Variants in ZEB1 observed in about 807,000 individuals in gnomAD.
ZEB1 encodes zinc finger E-box-binding homeobox 1.
ZEB1 carries 21 observed loss-of-function variants against 84.9 expected under a neutral mutation model. The observed-to-expected ratio is 0.25, with a 90% CI of 0.18 to 0.36. The LOEUF is 0.36. Among genes scored for constraint, ZEB1 ranks in the 10% least tolerant of loss-of-function variants. The pLI is 1.00. For synonymous variants in ZEB1, 420 were observed against 471.1 expected (o/e 0.89, Z 1.41); for missense variants, 1,104 against 1,330.2 (o/e 0.83, Z 2.65).
chr10:31,487,700 T>C lies in ZEB1; in HGVS notation c.260-8076T>C, dbSNP rs1389164593. ...GATAACGGACATTCTTGGCTTTTTC[T>C]TAATCTTGAGAAGAAAGCATAGTCT... On this transcript the variant is annotated intron_variant, in intron 2 of 8. Transcript: ENST00000424869. Among the ~76,000 whole-genome samples, 9 of 151,418 alleles carry C rather than the reference T, an allele frequency of 5.9e-5. No homozygotes were observed. In the East Asian group the frequency reaches 1.7e-3, roughly 29 times the overall value.
intron 1 of ZEB1, among the ~76,000 whole-genome samples, chr10:31,371,654 C>A (rs1444692690): frequency 6.6e-6 from 1 of 152,120 alleles, no homozygotes; most frequent in African/African-American, 2.4e-5. Flanking sequence ...CACTCACTCT[C>A]CCCCATCATA....
At chr10:31,331,371 CCACCACGCCTGGCCCGAAG>C (rs2036753920) in intron 1 of ZEB1, among the ~76,000 whole-genome samples, 1 of 152,108 alleles carries the variant, frequency 6.6e-6, no homozygotes, top group Non-Finnish European at 1.5e-5. Context: ...CAGGCGTGAG[CCACCACGCCTGGCCCGAAG>C]TGTTAAATTC....
intron 1 of ZEB1, among the ~76,000 whole-genome samples, chr10:31,423,130 G>A (rs2056440773): frequency 6.6e-6 from 1 of 151,890 alleles, no homozygotes; most frequent in Admixed American, 6.6e-5. Context: ...TGATGACTGT[G>A]GCATAGGAGT....
chr10:31,463,675 A>G (rs1209919809), intron 2 of ZEB1, among the ~76,000 whole-genome samples: 1 of 152,238 alleles, frequency 6.6e-6, no homozygotes, highest in Non-Finnish European at 1.5e-5. Context: ...GTCTTTGAGA[A>G]GTAGTAACCA....
rs565790714 is a variant in ZEB1 at position 31,430,825 on chromosome 10, CAG to C, written c.59-30209_59-30208del. Among the ~76,000 whole-genome samples, 755 of 152,218 alleles carry C rather than the reference CAG, an allele frequency of 5.0e-3. 2 individuals carry two copies. The highest frequency in any genetic ancestry group is 8.5e-3 in the Non-Finnish European group (579 of 67,998). ...TTACATAGCAAGACAAAATTGAAAA[CAG>C]AGGCTTTAGAAGCTAGTGTAATATA... On this transcript the variant is annotated intron_variant, in intron 1 of 8. Transcript: ENST00000424869.
In ZEB1 at chr10:31,319,366, G is replaced by A. The variant is rs1012528755; in HGVS notation, c.58+74G>A. On this transcript the variant is annotated intron_variant, in intron 1 of 8. Coordinates refer to ENST00000424869, the MANE Select transcript of ZEB1 (RefSeq NM_001174096.2). ...CAGCCGGGGCGCCCCCGGGGGTGAG[G>A]GGGGCGAGCCGGGCTGGGGGCAGCC... is the stretch of plus-strand genomic sequence containing the variant. The A allele has an allele frequency of 1.0e-5, 15 of 1,506,264 alleles. No homozygotes were observed. In the Admixed American group the frequency reaches 2.7e-4, roughly 27 times the overall value. 93.3% of individuals were successfully genotyped at this position (1,506,264 alleles called of 1,614,324 possible).
At chr10:31,366,973 C>A (rs1215204726) in intron 1 of ZEB1, among the ~76,000 whole-genome samples, 1 of 152,152 alleles carries the variant, frequency 6.6e-6, no homozygotes, top group African/African-American at 2.4e-5. Flanking sequence ...GCTCTACTCA[C>A]AAATATTTTT....
intron 2 of ZEB1, among the ~76,000 whole-genome samples, chr10:31,476,429 C>G (rs1281655541): frequency 6.6e-6 from 1 of 151,682 alleles, no homozygotes; most frequent in African/African-American, 2.4e-5. Context: ...AAATCCTGAA[C>G]AGACAAATTA....
intron 2 of ZEB1, among the ~76,000 whole-genome samples, chr10:31,474,762 G>T (rs1414760047): frequency 6.6e-6 from 1 of 152,022 alleles, no homozygotes; most frequent in Non-Finnish European, 1.5e-5. Flanking sequence ...ACATGCACAC[G>T]TATGTTTATT....
intron 1 of ZEB1, among the ~76,000 whole-genome samples, chr10:31,426,456 G>A (rs1326228400): frequency 6.6e-6 from 1 of 152,134 alleles, no homozygotes; most frequent in African/African-American, 2.4e-5. Flanking sequence ...TTAAAAGACA[G>A]TTTTATATCG....
chr10:31,510,912 A>C (rs2069865672), intron 5 of ZEB1, 37 bp downstream of exon 5: 5 of 1,599,056 alleles, frequency 3.1e-6, no homozygotes, highest in Non-Finnish European at 4.3e-6. Context: ...AACTTTCCAG[A>C]TTTTGACAAC....
chr10:31,407,850 C>G (rs2053434978), intron 1 of ZEB1, among the ~76,000 whole-genome samples: 3 of 149,882 alleles, frequency 2.0e-5, no homozygotes, highest in Non-Finnish European at 1.5e-5. Flanking sequence ...GGGATGCCCT[C>G]TCTCACCACT....
intron 1 of ZEB1, among the ~76,000 whole-genome samples, chr10:31,368,847 ACTGC>A (rs2045122102): frequency 1.3e-5 from 2 of 152,174 alleles, no homozygotes. Flanking sequence ...GTTTACCATC[ACTGC>A]CTGTCCAAAA....
chr10:31,331,085 T>TTTC (rs1564483297), intron 1 of ZEB1, among the ~76,000 whole-genome samples: 1 of 114,274 alleles, frequency 8.8e-6, no homozygotes, highest in East Asian at 2.5e-4. Context: ...TTCTTTCTTT[T>TTTC]TTTTTTTTTT....
intron 1 of ZEB1, among the ~76,000 whole-genome samples, chr10:31,361,617 G>T (rs1427436344): frequency 1.8e-4 from 28 of 151,946 alleles, no homozygotes; most frequent in African/African-American, 6.3e-4. Context: ...CTGGGCAGAG[G>T]CACTCCTCCC....
chr10:31,471,385 G>A (rs1393985132), intron 2 of ZEB1, among the ~76,000 whole-genome samples: 1 of 150,012 alleles, frequency 6.7e-6, no homozygotes, highest in South Asian at 2.1e-4. Flanking sequence ...CAAGCAAATG[G>A]AAAATTAAAA....
chr10:31,476,021 C>A lies in ZEB1; in HGVS notation c.259+14784C>A, dbSNP rs570636655. Among the ~76,000 whole-genome samples, 5 of 152,002 alleles carry A rather than the reference C, an allele frequency of 3.3e-5. No homozygotes were observed. In the East Asian group the frequency reaches 9.7e-4, roughly 29 times the overall value. ...TTGGATAAAAGAAGCAGGACTTAAC[C>A]ATCTGCTGCCTACCAGAGACCCACC... On this transcript the variant is annotated intron_variant, in intron 2 of 8. Coordinates refer to ENST00000424869, the MANE Select transcript of ZEB1 (RefSeq NM_001174096.2).
At chr10:31,512,885 A>G (rs1054525172) in intron 5 of ZEB1, among the ~76,000 whole-genome samples, 1 of 152,184 alleles carries the variant, frequency 6.6e-6, no homozygotes, top group African/African-American at 2.4e-5. Flanking sequence ...CAGAGGAAAC[A>G]GTGAAACATA....
intron 1 of ZEB1, among the ~76,000 whole-genome samples, chr10:31,361,970 G>A (rs1349190560): frequency 2.6e-5 from 4 of 151,332 alleles, no homozygotes; most frequent in African/African-American, 4.9e-5. Flanking sequence ...CGGCGGCAGG[G>A]CAGAGGCGCT....
Sources: gnomAD v4.1 joint callset for allele counts (sites outside exome capture counted in the v4.1 genomes callset) on GRCh38, gnomAD v4.1.1 for gene constraint, MANE v1.5 for transcripts, NCBI Gene and HGNC (gene_info 2026-07-23, HGNC 2026-07-21) for gene names.